The following WWOX variants were observed in gnomAD, a reference collection of about 807,000 sequenced individuals.
WWOX encodes WW domain containing oxidoreductase, also known as WW domain-containing oxidoreductase.
In WWOX, 69 loss-of-function variants were observed where a neutral mutation model predicts 46.2. The ratio of observed to expected loss-of-function variants is 1.49; its 90% confidence interval spans 1.23 to 1.82. The LOEUF is 1.82. Among genes scored for constraint, WWOX ranks in the 40% most tolerant of loss-of-function variants. The probability of loss-of-function intolerance (pLI) is 0.00; values close to 1 mark genes in which losing one functional copy is unlikely to be tolerated. For synonymous variants in WWOX, 359 were observed against 202.6 expected, an observed-to-expected ratio of 1.77 and a Z score of -6.56; for missense variants, 919 against 542.6, an observed-to-expected ratio of 1.69 and a Z score of -6.89.
chr16:78,941,249 C>T (rs1168285219), intron 8 of WWOX, among the ~76,000 whole-genome samples: 21 of 152,100 alleles, frequency 1.4e-4, no homozygotes, highest in African/African-American at 4.1e-4. Context: ...TTTGGTTCTG[C>T]GGTCGCTTGG....
chr16:78,576,212 A>G (rs1300358970), intron 8 of WWOX, among the ~76,000 whole-genome samples: 1 of 152,232 alleles, frequency 6.6e-6, no homozygotes, highest in Non-Finnish European at 1.5e-5. Flanking sequence ...ATCTTGAGGT[A>G]TCTTTTAAAT....
At chr16:78,815,077 C>T (rs996018428) in intron 8 of WWOX, among the ~76,000 whole-genome samples, 13 of 152,234 alleles carry the variant, frequency 8.5e-5, no homozygotes, top group African/African-American at 3.1e-4. Flanking sequence ...GTAATCCCAA[C>T]ACTTCGGGAG....
chr16:78,164,223 T>A lies in WWOX; in HGVS notation c.450T>A (p.His150Gln). The A allele has an allele frequency of 6.2e-7, 1 of 1,614,128 alleles. No individual in the cohort carries two copies. Among genetic ancestry groups the A allele is most frequent in the South Asian group, 1.1e-5 (1 of 91,074 alleles). Residue 150 changes from histidine (H) to glutamine (Q), a missense_variant, in exon 5 of 9, where the codon CAT becomes CAA. Coordinates refer to ENST00000566780, the MANE Select transcript of WWOX (RefSeq NM_016373.4). Reference protein sequence around the residue: ...TAKSFALHGAHVILACRNMAR... With the variant: ...TAKSFALHGAQVILACRNMAR... ...AGTCTTTTGCCCTCCATGGTGCACA[T>A]GTGATCTTGGCCTGCAGGAACATGG...
intron 8 of WWOX, among the ~76,000 whole-genome samples, chr16:78,829,584 T>C (rs193124736): frequency 2.4e-4 from 37 of 152,220 alleles, no homozygotes; most frequent in African/African-American, 8.4e-4. Context: ...TTATTTTTGG[T>C]GTTGTCATCC....
chr16:78,747,324 T>G (rs1167868906), intron 8 of WWOX, among the ~76,000 whole-genome samples: 2 of 152,030 alleles, frequency 1.3e-5, no homozygotes, highest in Admixed American at 1.3e-4. Flanking sequence ...CCCAAATTGC[T>G]GAGAGTACAG....
At chr16:78,147,117 G>A (rs1287974559) in intron 4 of WWOX, among the ~76,000 whole-genome samples, 1 of 151,632 alleles carries the variant, frequency 6.6e-6, no homozygotes, top group South Asian at 2.1e-4. Context: ...AGATATCTAA[G>A]ATAGTGATCT....
At chr16:78,905,472 C>T (rs2044937984) in intron 8 of WWOX, among the ~76,000 whole-genome samples, 1 of 152,194 alleles carries the variant, frequency 6.6e-6, no homozygotes, top group Non-Finnish European at 1.5e-5. Flanking sequence ...GACTCAACCT[C>T]CTGGGTGCAA....
At chr16:78,582,190 G>T (rs189252642) in intron 8 of WWOX, among the ~76,000 whole-genome samples, 1 of 152,278 alleles carries the variant, frequency 6.6e-6, no homozygotes, top group Non-Finnish European at 1.5e-5. Flanking sequence ...TGGATTTACG[G>T]CCAGAAGAAT....
At chr16:78,864,039 A>C (rs928189461) in intron 8 of WWOX, among the ~76,000 whole-genome samples, 11 of 152,186 alleles carry the variant, frequency 7.2e-5, no homozygotes, top group Admixed American at 5.2e-4. Context: ...GACTATTGCA[A>C]ATAAAGCTGC....
At chr16:78,174,201 C>G (rs1016403841) in intron 5 of WWOX, among the ~76,000 whole-genome samples, 1 of 152,192 alleles carries the variant, frequency 6.6e-6, no homozygotes, top group African/African-American at 2.4e-5. Context: ...ACTTACAGTT[C>G]CACATGGCTG....
At chr16:78,862,959 GTTTTTTT>G (rs35529711) in intron 8 of WWOX, among the ~76,000 whole-genome samples, 1 of 133,638 alleles carries the variant, frequency 7.5e-6, no homozygotes, top group Non-Finnish European at 1.6e-5. Flanking sequence ...GTTATGCCAA[GTTTTTTT>G]TTTTTTTTTT....
intron 4 of WWOX, among the ~76,000 whole-genome samples, chr16:78,117,889 C>A (rs1162313484): frequency 6.6e-6 from 1 of 151,978 alleles, no homozygotes; most frequent in South Asian, 2.1e-4. Context: ...TGTGAATGTC[C>A]GTTTTCTCTA....
chr16:79,026,784 AT>A (rs11373534), intron 8 of WWOX, among the ~76,000 whole-genome samples: 10 of 123,224 alleles, frequency 8.1e-5, no homozygotes, highest in Non-Finnish European at 8.1e-5. Flanking sequence ...CGCCCGGCTA[AT>A]TTTTTTTTTT....
At chr16:78,889,475 G>C (rs1409843307) in intron 8 of WWOX, among the ~76,000 whole-genome samples, 1 of 151,752 alleles carries the variant, frequency 6.6e-6, no homozygotes, top group East Asian at 1.9e-4. Context: ...TCTTGCCCTT[G>C]GCGGTTGATG....
At chr16:78,567,422 G>A (rs554341305) in intron 8 of WWOX, among the ~76,000 whole-genome samples, 3 of 151,750 alleles carry the variant, frequency 2.0e-5, no homozygotes, top group East Asian at 1.9e-4. Flanking sequence ...GCGTGGTGGC[G>A]GGTGCCTGTA....
chr16:79,198,253 G>A lies in WWOX; in HGVS notation c.1057-13355G>A, dbSNP rs184845410. ...CTCGGGAGGCTGAGGCAGGAGAATC[G>A]CTTGAACCTGGGAGGCGGAGGTTGA... On this transcript the variant is annotated intron_variant, in intron 8 of 8. Coordinates refer to ENST00000566780, the MANE Select transcript of WWOX (RefSeq NM_016373.4). Among the ~76,000 whole-genome samples, 252 of 152,214 alleles carry A rather than the reference G, an allele frequency of 1.7e-3. 1 individual carries two copies. The highest frequency in any genetic ancestry group is 5.5e-3 in the African/African-American group (228 of 41,536).
intron 8 of WWOX, among the ~76,000 whole-genome samples, chr16:78,532,590 C>T (rs1034706470): frequency 1.3e-5 from 2 of 151,996 alleles, no homozygotes; most frequent in African/African-American, 4.8e-5. Flanking sequence ...AAAGGCATAC[C>T]CAATACTAGG....
chr16:78,735,970 A>G (rs575302846), intron 8 of WWOX, among the ~76,000 whole-genome samples: 1 of 152,048 alleles, frequency 6.6e-6, no homozygotes, highest in East Asian at 1.9e-4. Context: ...TGAGAAAACT[A>G]GTGTGCCACC....
At chr16:78,667,744 C>G (rs1234737935) in intron 8 of WWOX, among the ~76,000 whole-genome samples, 1 of 151,352 alleles carries the variant, frequency 6.6e-6, no homozygotes. Context: ...TTACTCTGCT[C>G]ATTGTTCAAA....
Sources: gnomAD v4.1 joint callset for allele counts (sites outside exome capture counted in the v4.1 genomes callset) on GRCh38, gnomAD v4.1.1 for gene constraint, MANE v1.5 for transcripts, NCBI Gene and HGNC (gene_info 2026-07-23, HGNC 2026-07-21) for gene names.